Variants in LPP observed in about 807,000 individuals in gnomAD.
LPP encodes LIM domain containing preferred translocation partner in lipoma.
In LPP, 38 loss-of-function variants were observed where a neutral mutation model predicts 60.4. That is an observed-to-expected ratio of 0.63 (90% CI 0.49 to 0.83). LPP has a LOEUF of 0.83. LPP is among the 40% of genes least tolerant of loss of function. The pLI is 0.00. For synonymous variants in LPP, 328 were observed against 290.8 expected (o/e 1.13, Z -1.30); for missense variants, 902 against 783.6 (o/e 1.15, Z -1.80).
intron 6 of LPP, among the ~76,000 whole-genome samples, chr3:188,563,432 A>G (rs1831217644): frequency 6.9e-6 from 1 of 145,736 alleles, no homozygotes; most frequent in Non-Finnish European, 1.5e-5. Flanking sequence ...GCATGTATCT[A>G]TACATTTATG....
chr3:188,313,632 G>A (rs1165266889), intron 2 of LPP, among the ~76,000 whole-genome samples: 5 of 131,404 alleles, frequency 3.8e-5, no homozygotes, highest in South Asian at 2.5e-4. Flanking sequence ...GTGAGACTCC[G>A]TCTCAAAAAA....
chr3:188,794,153 T>C (rs73199007), intron 9 of LPP, among the ~76,000 whole-genome samples: 21,269 of 152,240 alleles, frequency 0.14, 1,559 homozygotes, highest in Middle Eastern at 0.19. Flanking sequence ...TAGAGGTATA[T>C]CTCACTGGTT....
At chr3:188,687,010 G>A (rs1860893441) in intron 7 of LPP, among the ~76,000 whole-genome samples, 1 of 152,214 alleles carries the variant, frequency 6.6e-6, no homozygotes, top group Non-Finnish European at 1.5e-5. Context: ...AAATATTTGT[G>A]CTGACTGAGG....
chr3:188,509,620 T>G (rs1271833217), intron 5 of LPP, among the ~76,000 whole-genome samples: 2 of 149,036 alleles, frequency 1.3e-5, no homozygotes, highest in Non-Finnish European at 3.0e-5. Flanking sequence ...CATTTTTTTT[T>G]GTCCCCTTCC....
At chr3:188,771,412 G>A (rs1735923807) in intron 9 of LPP, among the ~76,000 whole-genome samples, 1 of 151,992 alleles carries the variant, frequency 6.6e-6, no homozygotes, top group South Asian at 2.1e-4. Flanking sequence ...AGCTGAATGT[G>A]GTGGCACAAG....
At chr3:188,865,097 T>C (rs1439199301) in intron 9 of LPP, among the ~76,000 whole-genome samples, 1 of 152,220 alleles carries the variant, frequency 6.6e-6, no homozygotes, top group African/African-American at 2.4e-5. Flanking sequence ...CATCCCGGGT[T>C]TATTCCTGAT....
chr3:188,310,443 A>G (rs539110651), intron 2 of LPP, among the ~76,000 whole-genome samples: 33 of 152,242 alleles, frequency 2.2e-4, no homozygotes, highest in African/African-American at 7.7e-4. Flanking sequence ...AGTGAACTTA[A>G]AAAATAGCTA....
intron 7 of LPP, among the ~76,000 whole-genome samples, chr3:188,704,863 G>T (rs369317970): frequency 1.3e-5 from 2 of 151,836 alleles, no homozygotes; most frequent in Non-Finnish European, 2.9e-5. Flanking sequence ...CTAGCTCACC[G>T]AGAAGCCCTA....
chr3:188,445,443 A>C (rs1186662845), intron 4 of LPP, among the ~76,000 whole-genome samples: 1 of 152,142 alleles, frequency 6.6e-6, no homozygotes, highest in African/African-American at 2.4e-5. Context: ...GAAGAATGAG[A>C]ACACATGGAC....
chr3:188,337,955 T>C (rs1762108376), intron 2 of LPP, among the ~76,000 whole-genome samples: 2 of 152,372 alleles, frequency 1.3e-5, no homozygotes, highest in South Asian at 2.1e-4. Context: ...AAGCTACTTA[T>C]ATTTCTGCTC....
intron 7 of LPP, among the ~76,000 whole-genome samples, chr3:188,666,701 G>T (rs1335706384): frequency 6.6e-6 from 1 of 152,152 alleles, no homozygotes; most frequent in South Asian, 2.1e-4. Flanking sequence ...TGCTTACTCG[G>T]TGCCAATCAC....
At position 188,481,736 on chromosome 3, in the gene LPP, C is replaced by T. The variant is rs895734524; in HGVS notation, c.194-2856C>T. ...ATAACATGTTGTGGTTCTCAAAGTGCGATCTCAGACCCAGTCACATCAATC... is the reference window on the plus strand; with the variant it reads ...ATAACATGTTGTGGTTCTCAAAGTGTGATCTCAGACCCAGTCACATCAATC... On this transcript the variant is annotated intron_variant, in intron 4 of 11. Transcript: ENST00000617246. 7.9e-5 allele frequency among the ~76,000 whole-genome samples: 12 copies of T among 152,232 alleles called. 1 individual carries two copies. In the South Asian group the frequency reaches 1.5e-3, roughly 18 times the overall value.
chr3:188,738,215 G>A (rs573381905), intron 8 of LPP, among the ~76,000 whole-genome samples: 14 of 152,112 alleles, frequency 9.2e-5, no homozygotes, highest in African/African-American at 2.7e-4. Context: ...TTCAAATGAT[G>A]ATGATCGGTC....
chr3:188,491,285 G>T (rs1426157645), intron 5 of LPP, among the ~76,000 whole-genome samples: 1 of 152,200 alleles, frequency 6.6e-6, no homozygotes, highest in African/African-American at 2.4e-5. Flanking sequence ...GGAGGAGGAG[G>T]CTGGGTATGA....
chr3:188,237,372 C>G (rs974643110), intron 2 of LPP, among the ~76,000 whole-genome samples: 6 of 152,192 alleles, frequency 3.9e-5, no homozygotes, highest in African/African-American at 1.4e-4. Flanking sequence ...TTGACCTTCT[C>G]TTATGAATCA....
At chr3:188,775,361 TA>T (rs1245725141) in intron 9 of LPP, among the ~76,000 whole-genome samples, 6 of 152,208 alleles carry the variant, frequency 3.9e-5, no homozygotes, top group African/African-American at 1.4e-4. Flanking sequence ...CATGCTTAGT[TA>T]TTTAACAGAG....
At chr3:188,691,010 G>A (rs569423404) in intron 7 of LPP, among the ~76,000 whole-genome samples, 112 of 152,136 alleles carry the variant, frequency 7.4e-4, no homozygotes, top group Non-Finnish European at 1.2e-3. Flanking sequence ...TTTCCCTAGA[G>A]AGAAACAGTA....
At chr3:188,445,063 G>T (rs1418083214) in intron 4 of LPP, among the ~76,000 whole-genome samples, 1 of 152,182 alleles carries the variant, frequency 6.6e-6, no homozygotes, top group Non-Finnish European at 1.5e-5. Flanking sequence ...TTCAACCATT[G>T]TAGAAGACAG....
At chr3:188,852,897 C>T (rs530277342) in intron 9 of LPP, among the ~76,000 whole-genome samples, 2 of 152,140 alleles carry the variant, frequency 1.3e-5, no homozygotes, top group Non-Finnish European at 2.9e-5. Context: ...AACCCCAGCA[C>T]TTTGGGAGGC....
Sources: allele counts gnomAD v4.1 joint callset (sites outside exome capture counted in the v4.1 genomes callset), GRCh38; gene constraint gnomAD v4.1.1; transcripts MANE v1.5; gene names NCBI Gene and HGNC (gene_info 2026-07-23, HGNC 2026-07-21).